Variants in KIF13B observed in about 807,000 individuals in gnomAD.
KIF13B encodes the protein kinesin-like protein KIF13B.
Under a neutral mutation model 222.0 loss-of-function variants are expected in KIF13B, and 127 were observed. The observed-to-expected ratio is 0.57, with a 90% CI of 0.50 to 0.66. The LOEUF (loss-of-function observed/expected upper bound fraction) is 0.66, where lower values mean the gene tolerates loss of function less well. Among genes scored for constraint, KIF13B ranks in the 30% least tolerant of loss-of-function variants. The pLI is 0.00. For synonymous variants in KIF13B, 976 were observed against 919.0 expected, an observed-to-expected ratio of 1.06 and a Z score of -1.12; for missense variants, 2,173 against 2,379.0, an observed-to-expected ratio of 0.91 and a Z score of 1.80.
rs543821859 is a variant in KIF13B, at chr8:29,077,297, C to T, written c.4459-1954G>A. On this transcript the variant is annotated intron_variant, in intron 37 of 39. Transcript: ENST00000524189. ...GTCCCACTACTGCTCTCCACGGCCCCGCCTACCGCCATCTCCCAGAGAAGA... is the reference window on the plus strand; with the variant it reads ...GTCCCACTACTGCTCTCCACGGCCCTGCCTACCGCCATCTCCCAGAGAAGA... 1.0e-3 allele frequency among the ~76,000 whole-genome samples: 157 copies of T among 152,316 alleles called. 2 individuals carry two copies. Among genetic ancestry groups the T allele is most frequent in the Middle Eastern group, 3.4e-3 (1 of 294 alleles).
At chr8:29,146,317 G>A (rs1208649923) in intron 18 of KIF13B, 61 bp downstream of exon 18, 3 of 1,548,414 alleles carry the variant, frequency 1.9e-6, no homozygotes, top group Non-Finnish European at 2.7e-6. Context: ...ATAACACCAG[G>A]AAATATCAGG....
chr8:29,174,219 T>A (rs1019796676), intron 10 of KIF13B, among the ~76,000 whole-genome samples: 6 of 152,150 alleles, frequency 3.9e-5, no homozygotes, highest in African/African-American at 1.4e-4. Flanking sequence ...TAATATCCTA[T>A]ATAACTGCAA....
chr8:29,201,790 T>C (rs1226371897), intron 2 of KIF13B, among the ~76,000 whole-genome samples: 2 of 152,258 alleles, frequency 1.3e-5, no homozygotes, highest in African/African-American at 4.8e-5. Context: ...TGTTGCTTTT[T>C]TGAACTTGGC....
intron 37 of KIF13B, among the ~76,000 whole-genome samples, chr8:29,081,784 C>G (rs1807826200): frequency 6.6e-6 from 1 of 152,204 alleles, no homozygotes. Context: ...TTGTCTAACT[C>G]AGTCGTGTTG....
chr8:29,072,047 G>T lies in KIF13B; in HGVS notation c.4791C>A (p.Thr1597=). Residue 1597 remains threonine, a synonymous_variant, in exon 39 of 40, where the codon ACC becomes ACA. Coordinates refer to ENST00000524189, the MANE Select transcript of KIF13B (RefSeq NM_015254.4). ...DAAAPPGSMP[T]APEAEPEAPI... is the part of the protein sequence containing the mutation. The stretch of plus-strand genomic sequence containing the variant: ...GCGCCTCGGGCTCGGCCTCAGGGGC[G>T]GTGGGCATGGACCCCGGCGGGGCCG... 1.5e-6 allele frequency: 2 copies of T among 1,302,122 alleles called. 1 individual carries two copies. Among genetic ancestry groups the T allele is most frequent in the Non-Finnish European group, 1.9e-6 (2 of 1,026,724 alleles). The allele number at this position is 1,302,122 out of a possible 1,614,324, so 80.7% of individuals were successfully genotyped here.
intron 14 of KIF13B, among the ~76,000 whole-genome samples, chr8:29,151,845 A>AGCCGAGATTGCGCCACTGCAGTCCGC (rs1198575161): frequency 2.3e-4 from 35 of 151,932 alleles, no homozygotes; most frequent in South Asian, 4.1e-4. Context: ...TTTCACTTTC[A>AGCCGAGATTGCGCCACTGCAGTCCGC]AGTCTTATCA....
chr8:29,195,826 G>A (rs1002149404), intron 3 of KIF13B, among the ~76,000 whole-genome samples: 1 of 152,182 alleles, frequency 6.6e-6, no homozygotes, highest in South Asian at 2.1e-4. Context: ...GCTTGAGGCC[G>A]CGCAGGTTTC....
chr8:29,200,349 GTGGAGA>G (rs1338129425), intron 2 of KIF13B, among the ~76,000 whole-genome samples: 1 of 152,194 alleles, frequency 6.6e-6, no homozygotes, highest in African/African-American at 2.4e-5. Flanking sequence ...CCAGATCACT[GTGGAGA>G]TTCAGGAAGC....
intron 2 of KIF13B, among the ~76,000 whole-genome samples, chr8:29,221,244 A>C (rs1814735323): frequency 6.6e-6 from 1 of 151,858 alleles, no homozygotes; most frequent in African/African-American, 2.4e-5. Flanking sequence ...CTGGGATTAC[A>C]GGCATGTGCC....
chr8:29,190,785 C>T (rs1813143723), intron 4 of KIF13B: 2 of 575,776 alleles, frequency 3.5e-6, no homozygotes, highest in Non-Finnish European at 6.4e-6. Flanking sequence ...AGTTAGAGGA[C>T]ACCCAGCCAG....
At position 29,175,331 on chromosome 8, in the gene KIF13B, C is replaced by T. The variant is rs187182679; in HGVS notation, c.945+737G>A. ...ACCAGACTCCTATTACATGTTATCA[C>T]CATCTCTGTCATGGATCTATCACAA... is the stretch of plus-strand genomic sequence containing the variant. On this transcript the variant is annotated intron_variant, in intron 10 of 39. Coordinates refer to ENST00000524189, the MANE Select transcript of KIF13B (RefSeq NM_015254.4). Among the ~76,000 whole-genome samples the T allele has an allele frequency of 1.4e-4, 22 of 152,256 alleles. No individual in the cohort carries two copies. In the East Asian group the frequency reaches 4.1e-3, roughly 28 times the overall value.
intron 6 of KIF13B, among the ~76,000 whole-genome samples, chr8:29,183,001 A>C (rs1025677308): frequency 2.6e-5 from 4 of 151,844 alleles, no homozygotes; most frequent in African/African-American, 9.7e-5. Context: ...TACAATTCTC[A>C]TTTGTCAATT....
At chr8:29,129,080 ATCATATAAGAAAAATCCTT>A (rs1187626285) in intron 24 of KIF13B, among the ~76,000 whole-genome samples, 1 of 152,158 alleles carries the variant, frequency 6.6e-6, no homozygotes, top group Non-Finnish European at 1.5e-5. Flanking sequence ...GGTTTTTGCC[ATCATATAAGAAAAATCCTT>A]TCAGAACTTG....
At chr8:29,192,933 G>A (rs866199172) in intron 3 of KIF13B, among the ~76,000 whole-genome samples, 6 of 152,062 alleles carry the variant, frequency 3.9e-5, no homozygotes, top group South Asian at 4.2e-4. Context: ...AAGGGTGGGG[G>A]CCTGCAGGGA....
At chr8:29,107,701 C>T (rs1301029689) in intron 35 of KIF13B, among the ~76,000 whole-genome samples, 3 of 151,816 alleles carry the variant, frequency 2.0e-5, no homozygotes, top group African/African-American at 7.3e-5. Flanking sequence ...GCTGGGACTA[C>T]AGGTGCCCGC....
At position 29,092,808 on chromosome 8, in the gene KIF13B, G is replaced by A. The variant is rs1395339746; in HGVS notation, c.4395C>T (p.Leu1465=). Residue 1465 remains leucine, a synonymous_variant, in exon 37 of 40, where the codon CTC becomes CTT. Coordinates refer to ENST00000524189, the MANE Select transcript of KIF13B (RefSeq NM_015254.4). ...KSFVPQMPKL[L]KSLFPVRDEK... Reference sequence around the variant, plus strand: ...CATCGCGGACGGGAAAGAGAGACTTGAGGAGCTTTGGCATTTGCGGCACGA... The same window carrying A: ...CATCGCGGACGGGAAAGAGAGACTTAAGGAGCTTTGGCATTTGCGGCACGA... 6.2e-7 allele frequency: 1 copy of A among 1,613,330 alleles called. No homozygotes were observed. Among genetic ancestry groups the A allele is most frequent in the Non-Finnish European group, 8.5e-7 (1 of 1,179,666 alleles).
At chr8:29,099,024 T>C in intron 36 of KIF13B, 109 bp downstream of exon 36, 1 of 864,994 alleles carries the variant, frequency 1.2e-6, no homozygotes, top group South Asian at 1.4e-5. Flanking sequence ...AACAACTCGA[T>C]GGACATTATC....
intron 24 of KIF13B, among the ~76,000 whole-genome samples, chr8:29,130,188 C>T (rs1486806794): frequency 6.6e-6 from 1 of 152,180 alleles, no homozygotes; most frequent in Non-Finnish European, 1.5e-5. Flanking sequence ...TTACCTAACA[C>T]TAACAGAACT....
At chr8:29,106,076 A>C (rs1809054712) in intron 35 of KIF13B, among the ~76,000 whole-genome samples, 1 of 152,224 alleles carries the variant, frequency 6.6e-6, no homozygotes, top group South Asian at 2.1e-4. Context: ...ATTTTCCTTA[A>C]GATATTTTAC....
Sources: gnomAD v4.1 joint callset for allele counts (sites outside exome capture counted in the v4.1 genomes callset) on GRCh38, gnomAD v4.1.1 for gene constraint, MANE v1.5 for transcripts, NCBI Gene and HGNC (gene_info 2026-07-23, HGNC 2026-07-21) for gene names.